ADARB2: variants seen among roughly 807,000 people sequenced by gnomAD.
The protein encoded by ADARB2 is inactive double-stranded RNA-specific editase B2.
ADARB2 carries 25 observed loss-of-function variants against 62.2 expected under a neutral mutation model. That is an observed-to-expected ratio of 0.40 (90% CI 0.29 to 0.56). The LOEUF is 0.56. Among genes scored for constraint, ADARB2 ranks in the 20% least tolerant of loss-of-function variants. ADARB2 has a pLI of 0.43. For synonymous variants in ADARB2, 572 were observed against 500.8 expected, an observed-to-expected ratio of 1.14 and a Z score of -1.90; for missense variants, 1,071 against 1,077.4, an observed-to-expected ratio of 0.99 and a Z score of 0.08.
At chr10:1,447,476 A>C (rs541812980) in intron 1 of ADARB2, among the ~76,000 whole-genome samples, 3 of 152,334 alleles carry the variant, frequency 2.0e-5, no homozygotes, top group Admixed American at 1.3e-4. Context: ...CAGGCAGAAC[A>C]CAATGGGAAG....
rs1491420315 is a variant in ADARB2 at position 1,510,113 on chromosome 10, T to TTTCTTTCTTTCTTTCTTTC, written c.101-130972_101-130954dup. 2.4e-3 allele frequency among the ~76,000 whole-genome samples: 164 copies of TTTCTTTCTTTCTTTCTTTC among 67,492 alleles called. 1 individual carries two copies. Among genetic ancestry groups the TTTCTTTCTTTCTTTCTTTC allele is most frequent in the African/African-American group, 0.01 (154 of 15,168 alleles). 44.3% of individuals were successfully genotyped at this position (67,492 alleles called of 152,430 possible). A position where few individuals can be genotyped will look rare whatever the true frequency, so the allele number is the denominator to read the frequency against. On this transcript the variant is annotated intron_variant, in intron 1 of 9. Coordinates refer to ENST00000381312, the MANE Select transcript of ADARB2 (RefSeq NM_018702.4). ...TCTCTCTCTTTTCTTTCTTTCTCTC[T>TTTCTTTCTTTCTTTCTTTC]TTCTTTCTTTCTTTCTTTCTTTCTT... is the stretch of plus-strand genomic sequence containing the variant.
intron 4 of ADARB2, among the ~76,000 whole-genome samples, chr10:1,248,121 A>G (rs553372546): frequency 6.6e-6 from 1 of 152,298 alleles, no homozygotes; most frequent in African/African-American, 2.4e-5. Flanking sequence ...TGGGGCAGCA[A>G]AGACGCCAGG....
rs75875222 is a variant in ADARB2, at chr10:1,429,403, A to T, written c.101-50243T>A. On this transcript the variant is annotated intron_variant, in intron 1 of 9. Transcript: ENST00000381312. Reference sequence around the variant, plus strand: ...CTCAAAAGTGTACCTAACAGCCTGCAAACAACATAAACTGAAACCTTTAGT... The same window carrying T: ...CTCAAAAGTGTACCTAACAGCCTGCTAACAACATAAACTGAAACCTTTAGT... Among the ~76,000 whole-genome samples the T allele has an allele frequency of 4.4e-3, 666 of 152,344 alleles. 5 individuals are homozygous for T. Among genetic ancestry groups the T allele is most frequent in the African/African-American group, 0.015 (641 of 41,580 alleles).
intron 1 of ADARB2, among the ~76,000 whole-genome samples, chr10:1,674,126 G>A (rs1834430272): frequency 6.6e-6 from 1 of 152,240 alleles, no homozygotes; most frequent in South Asian, 2.1e-4. Flanking sequence ...CGGCCCCGTC[G>A]GCCGGGGGCC....
At chr10:1,370,174 C>G (rs1832355484) in intron 2 of ADARB2, among the ~76,000 whole-genome samples, 2 of 152,192 alleles carry the variant, frequency 1.3e-5, no homozygotes, top group South Asian at 4.1e-4. Context: ...ATGTGATTTA[C>G]CACACAAACA....
intron 1 of ADARB2, among the ~76,000 whole-genome samples, chr10:1,665,046 G>A (rs1436750407): frequency 3.3e-5 from 5 of 152,122 alleles, no homozygotes; most frequent in Non-Finnish European, 7.4e-5. Flanking sequence ...CAAGGGGGAA[G>A]GAGCCCCCGT....
At chr10:1,703,109 C>T (rs6560763) in intron 1 of ADARB2, among the ~76,000 whole-genome samples, 95,721 of 152,060 alleles carry the variant, frequency 0.63, 31,769 homozygotes, top group South Asian at 0.8. Flanking sequence ...TGATTCACTG[C>T]ACATGTAAGC....
At position 1,253,119 on chromosome 10, in the gene ADARB2, G is replaced by T. The variant is rs575081868; in HGVS notation, c.1193-10820C>A. On this transcript the variant is annotated intron_variant, in intron 4 of 9. Transcript: ENST00000381312. ...TGTTCAGTTATCTTGTTTGGAAAAA[G>T]TTTTTAAAGATTAAAGAAAATAATG... Among the ~76,000 whole-genome samples, 32 of 152,248 alleles carry T rather than the reference G, an allele frequency of 2.1e-4. No individual in the cohort carries two copies. The South Asian group carries it at 6.4e-3, about 31-fold the overall frequency.
Position 1,233,823 on chromosome 10 carries a change from G to A in ADARB2, c.1384C>T (p.Arg462Ter). ...HLSKRREDSE[R>*]SIFVRLKEGG... ...TCTTTTAACCGCACGAATATCGATC[G>A]CTCTGAGTCCTCGCGCCGCTTGCTA... Residue 462 changes from arginine (R) to a stop codon, truncating the protein, a stop_gained, in exon 6 of 10, where the codon CGA becomes TGA. Coordinates refer to ENST00000381312, the MANE Select transcript of ADARB2 (RefSeq NM_018702.4). LOFTEE classifies it high-confidence loss of function. The A allele has an allele frequency of 2.5e-6, 4 of 1,613,906 alleles. No individual in the cohort carries two copies. The highest frequency in any genetic ancestry group is 2.2e-5 in the East Asian group (1 of 44,868).
At chr10:1,451,815 C>T (rs74122638) in intron 1 of ADARB2, among the ~76,000 whole-genome samples, 14,866 of 152,220 alleles carry the variant, frequency 0.098, 783 homozygotes, top group South Asian at 0.23. Flanking sequence ...AAGGGAGCCC[C>T]CACCATGTGC....
intron 1 of ADARB2, among the ~76,000 whole-genome samples, chr10:1,717,895 T>C (rs1186487186): frequency 6.6e-6 from 1 of 152,136 alleles, no homozygotes; most frequent in Admixed American, 6.5e-5. Flanking sequence ...TTTCAATATG[T>C]ATGGCTAAGG....
chr10:1,690,584 A>G (rs1834655983), intron 1 of ADARB2, among the ~76,000 whole-genome samples: 1 of 152,164 alleles, frequency 6.6e-6, no homozygotes, highest in African/African-American at 2.4e-5. Context: ...GTGAAAAATA[A>G]CTGGAAGGAG....
intron 1 of ADARB2, among the ~76,000 whole-genome samples, chr10:1,667,925 A>G (rs565354439): frequency 1.0e-3 from 159 of 152,358 alleles, no homozygotes; most frequent in African/African-American, 3.7e-3. Context: ...CAGGTGGGGC[A>G]TCACCTGTGA....
intron 1 of ADARB2, among the ~76,000 whole-genome samples, chr10:1,553,085 G>A (rs987039175): frequency 6.0e-5 from 9 of 150,476 alleles, no homozygotes; most frequent in African/African-American, 2.2e-4. Flanking sequence ...CCATTGCTGG[G>A]AGCACCGCGT....
At chr10:1,541,818 T>A (rs1382761367) in intron 1 of ADARB2, among the ~76,000 whole-genome samples, 1 of 38,224 alleles carries the variant, frequency 2.6e-5, no homozygotes, top group African/African-American at 1.3e-4. Context: ...CAGATGTAGT[T>A]CAGACCCTGG....
intron 3 of ADARB2, among the ~76,000 whole-genome samples, chr10:1,360,785 A>G (rs1406303373): frequency 6.6e-6 from 1 of 152,222 alleles, no homozygotes; most frequent in African/African-American, 2.4e-5. Context: ...ACTGTCAGAG[A>G]AAAATAATTT....
At chr10:1,544,731 C>G (rs1009168085) in intron 1 of ADARB2, among the ~76,000 whole-genome samples, 6 of 151,938 alleles carry the variant, frequency 3.9e-5, no homozygotes, top group Non-Finnish European at 8.8e-5. Flanking sequence ...GTAAAGTACA[C>G]ATAATAAAGT....
At chr10:1,235,500 C>G (rs113348039) in intron 5 of ADARB2, among the ~76,000 whole-genome samples, 810 of 2,950 alleles carry the variant, frequency 0.27, 149 homozygotes, top group South Asian at 0.58. Flanking sequence ...ACTCCCCTCT[C>G]CCTCCCGGTG....
chr10:1,637,565 G>A (rs1283858912), intron 1 of ADARB2, among the ~76,000 whole-genome samples: 1 of 152,142 alleles, frequency 6.6e-6, no homozygotes, highest in African/African-American at 2.4e-5. Context: ...TTTGTTCCTT[G>A]ATCCTAAGAA....
Sources: gnomAD v4.1 joint callset for allele counts (sites outside exome capture counted in the v4.1 genomes callset) on GRCh38, gnomAD v4.1.1 for gene constraint, MANE v1.5 for transcripts, NCBI Gene and HGNC (gene_info 2026-07-23, HGNC 2026-07-21) for gene names.